NAALADL2: variants seen among roughly 807,000 people sequenced by gnomAD.
NAALADL2 encodes the protein N-acetylated alpha-linked acidic dipeptidase like 2.
In NAALADL2, 76 loss-of-function variants were observed where a neutral mutation model predicts 87.2. The observed-to-expected ratio is 0.87, with a 90% CI of 0.72 to 1.05. NAALADL2 has a LOEUF of 1.05. NAALADL2 is among the 50% of genes least tolerant of loss of function. NAALADL2 has a pLI of 0.00. For missense variants in NAALADL2, 1,089 were observed against 945.8 expected (o/e 1.15, Z -1.99); for synonymous variants, 354 against 331.0 (o/e 1.07, Z -0.75).
At chr3:175,734,932 CT>C (rs1744303430) in intron 11 of NAALADL2, among the ~76,000 whole-genome samples, 1 of 152,212 alleles carries the variant, frequency 6.6e-6, no homozygotes, top group African/African-American at 2.4e-5. Context: ...ATTTCTCCAG[CT>C]GGCTTGAATT....
Position 175,395,441 on chromosome 3 carries a change from A to G in NAALADL2, c.1091-51788A>G, listed in dbSNP as rs185510169. ...TTTATTCATTCCCCAAAAATGTCAT[A>G]CTCTTGAGAAGGGCAGCCAGTTTCT... On this transcript the variant is annotated intron_variant, in intron 5 of 13. Transcript: ENST00000454872. 2.6e-3 allele frequency among the ~76,000 whole-genome samples: 398 copies of G among 152,226 alleles called. 3 individuals carry two copies. The Middle Eastern group carries it at 0.027, about 10-fold the overall frequency.
At chr3:174,441,534 G>T (rs1255387644) in intron 1 of NAALADL2, among the ~76,000 whole-genome samples, 2 of 152,194 alleles carry the variant, frequency 1.3e-5, no homozygotes, top group African/African-American at 4.8e-5. Flanking sequence ...CCGCCCCCGC[G>T]CGTGGAATGC....
chr3:175,322,668 G>T (rs892066285), intron 4 of NAALADL2, among the ~76,000 whole-genome samples: 4 of 143,874 alleles, frequency 2.8e-5, no homozygotes, highest in Non-Finnish European at 4.5e-5. Context: ...CCATCAAAAA[G>T]TGGGCGAAGG....
intron 11 of NAALADL2, among the ~76,000 whole-genome samples, chr3:175,632,236 G>C (rs1014101397): frequency 2.0e-5 from 3 of 150,462 alleles, no homozygotes; most frequent in Admixed American, 6.7e-5. Flanking sequence ...CACAATATCT[G>C]ATGGTTTAAA....
At chr3:174,819,138 A>C (rs1721145392) in intron 3 of NAALADL2, among the ~76,000 whole-genome samples, 1 of 130,010 alleles carries the variant, frequency 7.7e-6, no homozygotes, top group African/African-American at 3.0e-5. Flanking sequence ...ACTCATTGCA[A>C]CCTCCACCTC....
intron 11 of NAALADL2, among the ~76,000 whole-genome samples, chr3:175,638,026 A>G (rs1728782403): frequency 6.6e-6 from 1 of 152,242 alleles, no homozygotes; most frequent in South Asian, 2.1e-4. Flanking sequence ...ATAATTTTAA[A>G]AAGAGCAATA....
intron 5 of NAALADL2, among the ~76,000 whole-genome samples, chr3:175,351,760 G>A (rs761160165): frequency 3.2e-4 from 48 of 151,990 alleles, no homozygotes; most frequent in Admixed American, 4.6e-4. Flanking sequence ...AGGAAAGATG[G>A]CAATGAACTA....
At chr3:174,828,172 A>AAC (rs1405972032) in intron 3 of NAALADL2, among the ~76,000 whole-genome samples, 1 of 150,958 alleles carries the variant, frequency 6.6e-6, no homozygotes, top group African/African-American at 2.5e-5. Flanking sequence ...AACCACACAC[A>AAC]ACACAACACA....
chr3:175,109,595 C>T (rs959266783), intron 2 of NAALADL2, among the ~76,000 whole-genome samples: 5 of 151,756 alleles, frequency 3.3e-5, no homozygotes, highest in African/African-American at 9.7e-5. Context: ...ATATAGTTTA[C>T]AAAGGTATCT....
chr3:175,620,088 T>A (rs929844940), intron 10 of NAALADL2, among the ~76,000 whole-genome samples: 10 of 138,456 alleles, frequency 7.2e-5, no homozygotes, highest in Non-Finnish European at 1.3e-4. Context: ...AAAAAAAAAA[T>A]TGGAATTAAA....
intron 3 of NAALADL2, among the ~76,000 whole-genome samples, chr3:174,795,920 G>A (rs983838519): frequency 5.3e-5 from 8 of 152,106 alleles, no homozygotes; most frequent in African/African-American, 1.9e-4. Flanking sequence ...ATTTATATCT[G>A]CATACACATT....
chr3:175,480,097 G>A (rs1236285229), intron 9 of NAALADL2, among the ~76,000 whole-genome samples: 1 of 151,566 alleles, frequency 6.6e-6, no homozygotes. Flanking sequence ...ATTTGTGTTT[G>A]TTTGTTTAGC....
intron 2 of NAALADL2, among the ~76,000 whole-genome samples, chr3:174,575,296 A>G (rs1037658074): frequency 6.6e-6 from 1 of 152,190 alleles, no homozygotes; most frequent in Non-Finnish European, 1.5e-5. Flanking sequence ...AAATTATGAC[A>G]GCAGTAAACA....
chr3:175,301,618 T>C (rs887373080), intron 4 of NAALADL2, among the ~76,000 whole-genome samples: 1 of 152,080 alleles, frequency 6.6e-6, no homozygotes, highest in Admixed American at 6.6e-5. Flanking sequence ...AGAAGAGAAA[T>C]AGGAAGAAAA....
chr3:175,191,408 A>G (rs868314971), intron 2 of NAALADL2, among the ~76,000 whole-genome samples: 2 of 152,222 alleles, frequency 1.3e-5, no homozygotes, highest in Non-Finnish European at 2.9e-5. Context: ...AGTTGGATCA[A>G]TATTTGTATA....
chr3:175,493,678 T>A (rs1728416414), intron 9 of NAALADL2, among the ~76,000 whole-genome samples: 2 of 152,150 alleles, frequency 1.3e-5, no homozygotes, highest in African/African-American at 4.8e-5. Flanking sequence ...AACATTATTA[T>A]CTATGTCTTT....
intron 1 of NAALADL2, among the ~76,000 whole-genome samples, chr3:174,901,414 C>A (rs964235601): frequency 6.6e-6 from 1 of 152,094 alleles, no homozygotes; most frequent in Non-Finnish European, 1.5e-5. Context: ...CCAAAAGATA[C>A]GAAGGTGATT....
chr3:175,565,595 A>C (rs1716974339), intron 9 of NAALADL2, among the ~76,000 whole-genome samples: 1 of 150,040 alleles, frequency 6.7e-6, no homozygotes, highest in African/African-American at 2.5e-5. Context: ...GTCCATTCCC[A>C]AAACCTCTGT....
At chr3:175,617,760 T>G (rs971511307) in intron 10 of NAALADL2, among the ~76,000 whole-genome samples, 1 of 152,170 alleles carries the variant, frequency 6.6e-6, no homozygotes, top group Non-Finnish European at 1.5e-5. Context: ...GTCCTTCAAC[T>G]GAATCAGGAG....
Sources: gnomAD v4.1 joint callset for allele counts (sites outside exome capture counted in the v4.1 genomes callset) on GRCh38, gnomAD v4.1.1 for gene constraint, MANE v1.5 for transcripts, NCBI Gene and HGNC (gene_info 2026-07-23, HGNC 2026-07-21) for gene names.